The following TMEM233 variants were observed in gnomAD, a reference collection of about 807,000 sequenced individuals.
TMEM233 encodes the protein transmembrane protein 233, also known as dispanin subfamily B member 2.
Under a neutral mutation model 11.2 loss-of-function variants are expected in TMEM233, and 6 were observed. The observed-to-expected ratio is 0.54, with a 90% CI of 0.29 to 1.06. The LOEUF is 1.06. TMEM233 is among the 50% of genes least tolerant of loss of function. The pLI, the probability that TMEM233 is intolerant of heterozygous loss-of-function variation, is 0.08. For missense variants in TMEM233, 127 were observed against 144.7 expected, an observed-to-expected ratio of 0.88 and a Z score of 0.63; for synonymous variants, 59 against 55.8, an observed-to-expected ratio of 1.06 and a Z score of -0.26.
At chr12:119,650,154 T>G in the TMEM233 span, among the ~76,000 whole-genome samples, 1 of 62,606 alleles carries the variant, frequency 1.6e-5, no homozygotes. Context: ...CAAGACTCCA[T>G]CTCAAAAAAA....
At chr12:119,636,934 T>A (rs1311999625) in intron 2 of TMEM233, among the ~76,000 whole-genome samples, 1 of 152,142 alleles carries the variant, frequency 6.6e-6, no homozygotes, top group African/African-American at 2.4e-5. Flanking sequence ...GCATAGCCAG[T>A]GAATGTTTCC....
the TMEM233 span, among the ~76,000 whole-genome samples, chr12:119,652,328 T>G: frequency 1.8e-4 from 27 of 152,320 alleles, no homozygotes; most frequent in African/African-American, 6.0e-4. Flanking sequence ...CTAATTAGAT[T>G]TCTGGATTTT....
At chr12:119,648,959 A>C in the TMEM233 span, among the ~76,000 whole-genome samples, 1 of 152,302 alleles carries the variant, frequency 6.6e-6, no homozygotes, top group Non-Finnish European at 1.5e-5. Flanking sequence ...GGTTTAGAAA[A>C]AGGAAGAAAT....
the TMEM233 span, among the ~76,000 whole-genome samples, chr12:119,653,401 A>AAT: frequency 6.6e-6 from 1 of 151,302 alleles, no homozygotes; most frequent in Non-Finnish European, 1.5e-5. Context: ...CAAAAAAAAA[A>AAT]AAAAAAAAAA....
downstream of TMEM233, among the ~76,000 whole-genome samples, chr12:119,645,875 GACTAGTTGT>G (rs1041537668): frequency 2.0e-5 from 3 of 152,230 alleles, no homozygotes; most frequent in East Asian, 3.9e-4. Flanking sequence ...CATGCATGGG[GACTAGTTGT>G]ACTAGTTGTA....
At chr12:119,625,784 G>T (rs1954743567) in intron 1 of TMEM233, among the ~76,000 whole-genome samples, 1 of 151,886 alleles carries the variant, frequency 6.6e-6, no homozygotes, top group African/African-American at 2.4e-5. Context: ...AATAATATCA[G>T]TTCTAGATAA....
the TMEM233 span, among the ~76,000 whole-genome samples, chr12:119,653,407 A>T: frequency 6.6e-6 from 1 of 151,334 alleles, no homozygotes; most frequent in Non-Finnish European, 1.5e-5. Flanking sequence ...AAAAAAAAAA[A>T]AAAAATTAAT....
chr12:119,599,272 ATAACT>A (rs1007671653), intron 1 of TMEM233, among the ~76,000 whole-genome samples: 25 of 152,352 alleles, frequency 1.6e-4, no homozygotes, highest in Non-Finnish European at 2.4e-4. Context: ...TAATTTTTAA[ATAACT>A]TAAAGAGTGT....
chr12:119,633,457 C>T lies in TMEM233; in HGVS notation c.323+3585C>T, dbSNP rs138727177. Among the ~76,000 whole-genome samples the T allele has an allele frequency of 5.9e-3, 892 of 152,042 alleles. 7 individuals carry two copies. Among genetic ancestry groups the T allele is most frequent in the African/African-American group, 0.02 (847 of 41,468 alleles). ...TTTTAATTAGCTGGGCATGGTGGCA[C>T]ACACCTGTATTCCCAGCTATTTGGA... On this transcript the variant is annotated intron_variant, in intron 2 of 2. Coordinates refer to ENST00000426426, the MANE Select transcript of TMEM233 (RefSeq NM_001136534.3).
At chr12:119,647,861 G>C (rs184111824), downstream of TMEM233, among the ~76,000 whole-genome samples, 1 of 141,100 alleles carries the variant, frequency 7.1e-6, no homozygotes, top group East Asian at 2.2e-4. Flanking sequence ...ACTTATGAGT[G>C]AGAACATGCG....
In TMEM233 at chr12:119,626,531, GGAGAAGGGAGAAGAGAAGAGAAGAGAA is replaced by G. The variant is rs141790306; in HGVS notation, c.187-3198_187-3172del. Among the ~76,000 whole-genome samples the G allele has an allele frequency of 8.4e-3, 832 of 99,290 alleles. 14 individuals carry two copies. Among genetic ancestry groups the G allele is most frequent in the East Asian group, 0.047 (165 of 3,534 alleles). The allele number at this position is 99,290 out of a possible 152,430, so 65.1% of individuals were successfully genotyped here. On this transcript the variant is annotated intron_variant, in intron 1 of 2. Coordinates refer to ENST00000426426, the MANE Select transcript of TMEM233 (RefSeq NM_001136534.3). Reference sequence around the variant, plus strand: ...GAGGAGGAGGAGGAGAAGGGAGAAGGGAGAAGGGAGAAGAGAAGAGAAGAGAAGAGAAGAGAAGAGAAGAGAAGAGAA... The same window carrying G: ...GAGGAGGAGGAGGAGAAGGGAGAAGGGAGAAGAGAAGAGAAGAGAAGAGAA...
chr12:119,600,628 C>T (rs1815942375), intron 1 of TMEM233, among the ~76,000 whole-genome samples: 2 of 152,178 alleles, frequency 1.3e-5, no homozygotes, highest in African/African-American at 4.8e-5. Flanking sequence ...GAAATTCTGA[C>T]ATGGGCTACA....
At chr12:119,653,205 A>T in the TMEM233 span, among the ~76,000 whole-genome samples, 1 of 152,100 alleles carries the variant, frequency 6.6e-6, no homozygotes, top group East Asian at 1.9e-4. Flanking sequence ...CATCTGGCTA[A>T]CACGGAGAAA....
At position 119,605,409 on chromosome 12, in the gene TMEM233, C is replaced by CTTTT. The variant is rs6144897; in HGVS notation, c.186+11408_186+11411dup. On this transcript the variant is annotated intron_variant, in intron 1 of 2. Transcript: ENST00000426426. Reference sequence around the variant, plus strand: ...TTATAATCAGACAGCTATGCCTTTCCTTTTTTTTTTTTTTTTTTTTTTTTT... The same window carrying CTTTT: ...TTATAATCAGACAGCTATGCCTTTCCTTTTTTTTTTTTTTTTTTTTTTTTTTTTT... 1.7e-4 allele frequency among the ~76,000 whole-genome samples: 16 copies of CTTTT among 93,644 alleles called. 1 individual carries two copies. Among genetic ancestry groups the CTTTT allele is most frequent in the African/African-American group, 6.0e-4 (16 of 26,866 alleles). 61.4% of individuals were successfully genotyped at this position (93,644 alleles called of 152,430 possible).
At chr12:119,638,668 C>G (rs1955016567) in intron 2 of TMEM233, among the ~76,000 whole-genome samples, 1 of 152,088 alleles carries the variant, frequency 6.6e-6, no homozygotes, top group Non-Finnish European at 1.5e-5. Flanking sequence ...CTTGAAACAA[C>G]CTAAATGTCC....
In TMEM233 at chr12:119,629,728, TCC is replaced by T. The variant is rs1325094037; in HGVS notation, c.187-4_187-3del. 1.3e-6 allele frequency: 2 copies of T among 1,548,296 alleles called. No homozygotes were observed. Among genetic ancestry groups the T allele is most frequent in the African/African-American group, 2.7e-5 (2 of 72,812 alleles). The stretch of plus-strand genomic sequence containing the variant: ...TGTCATCACCAGCTCTTCCCTTCTG[TCC>T]CCCAGTCTCTGAACAGCTACAACGA... On this transcript the variant is annotated splice_region_variant and splice_polypyrimidine_tract_variant and intron_variant, in intron 1 of 2. Coordinates refer to ENST00000426426, the MANE Select transcript of TMEM233 (RefSeq NM_001136534.3).
rs200244351 is a variant in TMEM233, at chr12:119,624,359, CA to C, written c.187-5364del. Among the ~76,000 whole-genome samples, 1,119 of 136,018 alleles carry C rather than the reference CA, an allele frequency of 8.2e-3. 13 individuals carry two copies. Among genetic ancestry groups the C allele is most frequent in the African/African-American group, 0.026 (958 of 37,260 alleles). 89.2% of individuals were successfully genotyped at this position (136,018 alleles called of 152,430 possible). On this transcript the variant is annotated intron_variant, in intron 1 of 2. Coordinates refer to ENST00000426426, the MANE Select transcript of TMEM233 (RefSeq NM_001136534.3). ...TGGGTGACAGAATGAGACCTCATCT[CA>C]AAAAAAAAAAAATTTTAATGATAAT...
intron 1 of TMEM233, among the ~76,000 whole-genome samples, chr12:119,610,944 T>C (rs1425568134): frequency 6.6e-6 from 1 of 152,162 alleles, no homozygotes; most frequent in Non-Finnish European, 1.5e-5. Context: ...TGATCTTTCA[T>C]ATATGTCCTC....
In TMEM233 at chr12:119,640,950, G is replaced by GA. The variant is rs1277872340; in HGVS notation, c.*251dup. The GA allele has an allele frequency of 6.1e-6, 3 of 490,236 alleles. No individual in the cohort carries two copies. The highest frequency in any genetic ancestry group is 1.1e-5 in the Non-Finnish European group (3 of 279,196). 30.4% of individuals were successfully genotyped at this position (490,236 alleles called of 1,614,324 possible). A position where few individuals can be genotyped will look rare whatever the true frequency, so the allele number is the denominator to read the frequency against. On this transcript the variant is annotated 3_prime_UTR_variant, in exon 3 of 3. Transcript: ENST00000426426. ...GATTTGTAAAAATGAAAAGAAAACA[G>GA]AAAAAAGAAAAATGAAGTCTCACTG...
Sources: allele counts gnomAD v4.1 joint callset (sites outside exome capture counted in the v4.1 genomes callset), GRCh38; gene constraint gnomAD v4.1.1; transcripts MANE v1.5; gene names NCBI Gene and HGNC (gene_info 2026-07-23, HGNC 2026-07-21).